The following ZNF793 variants were observed in gnomAD, a reference collection of about 807,000 sequenced individuals.
ZNF793 encodes the protein zinc finger protein 793.
ZNF793 carries 5 observed loss-of-function variants against 12.4 expected under a neutral mutation model. The ratio of observed to expected loss-of-function variants is 0.40; its 90% CI spans 0.21 to 0.84. The LOEUF (loss-of-function observed/expected upper bound fraction) is 0.84, where lower values mean the gene tolerates loss of function less well. Ranked by LOEUF, ZNF793 falls within the 40% of genes least tolerant of loss-of-function variation. The pLI is 0.35. For synonymous variants in ZNF793, 162 were observed against 172.4 expected, an observed-to-expected ratio of 0.94 and a Z score of 0.47; for missense variants, 456 against 495.0, an observed-to-expected ratio of 0.92 and a Z score of 0.75.
chr19:37,538,117 G>C lies in ZNF793; in HGVS notation c.*238G>C, dbSNP rs12972887. On this transcript the variant is annotated 3_prime_UTR_variant, in exon 8 of 8. Coordinates refer to ENST00000627814, the MANE Select transcript of ZNF793 (RefSeq NM_001013659.3). ...TTTTTAGTAGAGACGGGGTTTCACC[G>C]TGTTAGCCAGGATGGTCTCGATCTC... 19 of 393,316 alleles carry C rather than the reference G, an allele frequency of 4.8e-5. No individual in the cohort carries two copies. The highest frequency in any genetic ancestry group is 7.8e-5 in the Non-Finnish European group (17 of 218,120). 24.4% of individuals were successfully genotyped at this position (393,316 alleles called of 1,614,324 possible).
At chr19:37,514,575 CAGATAGAT>C (rs57773647) in intron 2 of ZNF793, among the ~76,000 whole-genome samples, 21,557 of 149,168 alleles carry the variant, frequency 0.14, 1,637 homozygotes, top group South Asian at 0.25. Flanking sequence ...GATAGATAGA[CAGATAGAT>C]AGATAGATAG....
intron 5 of ZNF793, among the ~76,000 whole-genome samples, chr19:37,524,950 C>A (rs867063673): frequency 2.6e-5 from 4 of 152,098 alleles, no homozygotes; most frequent in Non-Finnish European, 1.5e-5. Flanking sequence ...GGCAGAACTC[C>A]CAGTTTTTCA....
At chr19:37,526,150 G>A (rs955068780) in intron 5 of ZNF793, among the ~76,000 whole-genome samples, 12 of 152,072 alleles carry the variant, frequency 7.9e-5, no homozygotes, top group African/African-American at 2.9e-4. Flanking sequence ...TAAAAGTTCA[G>A]TGATTCTTTT....
intron 5 of ZNF793, among the ~76,000 whole-genome samples, chr19:37,528,440 A>G (rs1292208693): frequency 6.6e-6 from 1 of 152,000 alleles, no homozygotes; most frequent in East Asian, 1.9e-4. Flanking sequence ...AGCCCTCATT[A>G]TAAACCACAT....
At chr19:37,522,834 A>G (rs1262705482) in intron 4 of ZNF793, among the ~76,000 whole-genome samples, 187 bp downstream of exon 4, 1 of 152,094 alleles carries the variant, frequency 6.6e-6, no homozygotes, top group Admixed American at 6.6e-5. Flanking sequence ...TCACTTGACT[A>G]AGTGATACTG....
At chr19:37,515,227 A>G (rs1254738542) in intron 2 of ZNF793, among the ~76,000 whole-genome samples, 1 of 152,248 alleles carries the variant, frequency 6.6e-6, no homozygotes, top group East Asian at 1.9e-4. Flanking sequence ...ATTAACCATT[A>G]TAGTTATTAA....
In ZNF793 at chr19:37,532,419, C is replaced by A; in HGVS notation, c.79C>A (p.Pro27Thr). 6.2e-7 allele frequency: 1 copy of A among 1,614,074 alleles called. No homozygotes were observed. Among genetic ancestry groups the A allele is most frequent in the Non-Finnish European group, 8.5e-7 (1 of 1,179,978 alleles). ...CCAAGAGGAGTGGCACCGGCTGAGT[C>A]CTGCTCAGAGGGCCCTGTACCGGGA... ...FTQEEWHRLSPAQRALYRDVM... is the reference protein window; with the variant it reads ...FTQEEWHRLSTAQRALYRDVM... The change falls in exon 6 of 8, where the codon CCT becomes ACT. Residue 27 changes from proline (P) to threonine (T), a missense_variant. Transcript: ENST00000627814.
rs2291002 is a variant in ZNF793, at chr19:37,543,024, G to A, written c.*5145G>A. 38,692 of 152,016 alleles carry A rather than the reference G, an allele frequency of 0.25. 5,605 individuals carry two copies. Among genetic ancestry groups the A allele is most frequent in the East Asian group, 0.63 (3,271 of 5,164 alleles). 9.4% of individuals were successfully genotyped at this position (152,016 alleles called of 1,614,324 possible). ...GAGTTAGTAAATTTGGCTGGGGATGGGGGAGCTAGAATTTTGCTAATTTGT... is the reference window on the plus strand; with the variant it reads ...GAGTTAGTAAATTTGGCTGGGGATGAGGGAGCTAGAATTTTGCTAATTTGT... On this transcript the variant is annotated 3_prime_UTR_variant, in exon 8 of 8. Transcript: ENST00000627814.
intron 3 of ZNF793, among the ~76,000 whole-genome samples, chr19:37,521,429 CTTTTTTTTTTTTTT>C (rs74174472): frequency 2.1e-5 from 2 of 97,004 alleles, no homozygotes; most frequent in Non-Finnish European, 4.0e-5. Flanking sequence ...GGTCAATTCT[CTTTTTTTTTTTTTT>C]TTTTTTTTTG....
At chr19:37,508,732 C>T (rs1400876790) in intron 2 of ZNF793, among the ~76,000 whole-genome samples, 1 of 151,850 alleles carries the variant, frequency 6.6e-6, no homozygotes, top group Non-Finnish European at 1.5e-5. Flanking sequence ...TATAAATAAA[C>T]AAAATAAAAT....
Position 37,537,353 on chromosome 19 carries a change from G to A in ZNF793, c.695G>A (p.Cys232Tyr). ...PTEKPHVCSE[C>Y]GKAFCYKSEF... ...GAAAAACCCCACGTCTGTAGTGAGT[G>A]TGGGAAAGCCTTCTGCTACAAGTCT... Residue 232 changes from cysteine to tyrosine, a missense_variant, in exon 8 of 8, where the codon TGT becomes TAT. By Grantham distance (194) the Cys-to-Tyr change is radical. Coordinates refer to ENST00000627814, the MANE Select transcript of ZNF793 (RefSeq NM_001013659.3). 1.2e-6 allele frequency: 2 copies of A among 1,613,228 alleles called. No individual in the cohort carries two copies. Among genetic ancestry groups the A allele is most frequent in the East Asian group, 2.2e-5 (1 of 44,880 alleles).
At chr19:37,528,649 C>G (rs1227044856) in intron 5 of ZNF793, among the ~76,000 whole-genome samples, 1 of 152,162 alleles carries the variant, frequency 6.6e-6, no homozygotes, top group Non-Finnish European at 1.5e-5. Flanking sequence ...ATGGGTCTCC[C>G]TCAGTGACTG....
At chr19:37,533,805 A>G in intron 7 of ZNF793, 1 of 361,586 alleles carries the variant, frequency 2.8e-6, no homozygotes, top group Non-Finnish European at 4.9e-6. Context: ...GTGGGATCAG[A>G]GAAGAGGAAG....
intron 1 of ZNF793, among the ~76,000 whole-genome samples, chr19:37,507,993 A>G (rs2042264087): frequency 6.6e-6 from 1 of 152,138 alleles, no homozygotes; most frequent in African/African-American, 2.4e-5. Flanking sequence ...TGGGGATGGG[A>G]AAATCACAGA....
At chr19:37,516,280 A>G (rs1260968741) in intron 2 of ZNF793, among the ~76,000 whole-genome samples, 2 of 152,052 alleles carry the variant, frequency 1.3e-5, no homozygotes, top group Admixed American at 1.3e-4. Context: ...GATTACAGGC[A>G]TGTGCTGCTA....
intron 6 of ZNF793, among the ~76,000 whole-genome samples, chr19:37,533,044 C>T (rs921789086): frequency 9.2e-5 from 14 of 152,270 alleles, no homozygotes; most frequent in African/African-American, 3.1e-4. Flanking sequence ...TGCCCAGAGT[C>T]ACCCAGCTAG....
rs749880465 is a variant in ZNF793, at chr19:37,523,412, G to A, written c.-28G>A. The stretch of plus-strand genomic sequence containing the variant: ...TTCTTCCCCCCACATGTCTACAGGT[G>A]TCAGATCTTTTTCAAGAACAGCAGA... On this transcript the variant is annotated splice_region_variant and 5_prime_UTR_variant, in exon 5 of 8. Coordinates refer to ENST00000627814, the MANE Select transcript of ZNF793 (RefSeq NM_001013659.3). 1.9e-6 allele frequency: 3 copies of A among 1,611,874 alleles called. No homozygotes were observed. The highest frequency in any genetic ancestry group is 2.2e-5 in the East Asian group (1 of 44,892).
rs2042534456 is a variant in ZNF793, at chr19:37,539,060, T to G, written c.*1181T>G. 1 of 152,244 alleles carries G rather than the reference T, an allele frequency of 6.6e-6. No individual in the cohort carries two copies. Among genetic ancestry groups the G allele is most frequent in the Admixed American group, 6.5e-5 (1 of 15,292 alleles). The allele number at this position is 152,244 out of a possible 1,614,324, so 9.4% of individuals were successfully genotyped here. ...TAAATGGCTATAGAGGTTGTTACTG[T>G]CCTCTGCAGAAATAATAAAGCAGTG... is the stretch of plus-strand genomic sequence containing the variant. On this transcript the variant is annotated 3_prime_UTR_variant, in exon 8 of 8. Transcript: ENST00000627814.
intron 5 of ZNF793, among the ~76,000 whole-genome samples, chr19:37,527,989 C>T (rs559495337): frequency 2.6e-5 from 4 of 151,234 alleles, no homozygotes; most frequent in Admixed American, 6.6e-5. Context: ...ATTAGCTGGG[C>T]GTGGTGGTGT....
Sources: gnomAD v4.1 joint callset for allele counts (sites outside exome capture counted in the v4.1 genomes callset) on GRCh38, gnomAD v4.1.1 for gene constraint, MANE v1.5 for transcripts, NCBI Gene and HGNC (gene_info 2026-07-23, HGNC 2026-07-21) for gene names.